The following ADARB2 variants were observed in gnomAD, a reference collection of about 807,000 sequenced individuals.
The protein encoded by ADARB2 is adenosine deaminase RNA specific B2 (inactive).
In ADARB2, 25 loss-of-function variants were observed where a neutral mutation model predicts 62.2. That is an observed-to-expected ratio of 0.40 (90% CI 0.29 to 0.56). ADARB2 has a LOEUF of 0.56. ADARB2 is among the 20% of genes least tolerant of loss of function. The probability of loss-of-function intolerance (pLI) is 0.43; values close to 1 mark genes in which losing one functional copy is unlikely to be tolerated. For synonymous variants in ADARB2, 572 were observed against 500.8 expected (o/e 1.14, Z -1.90); for missense variants, 1,071 against 1,077.4 (o/e 0.99, Z 0.08).
chr10:1,597,620 A>G (rs1833351836), intron 1 of ADARB2, among the ~76,000 whole-genome samples: 1 of 152,248 alleles, frequency 6.6e-6, no homozygotes, highest in South Asian at 2.1e-4. Flanking sequence ...GTCAATGAAC[A>G]ACAGATGCTG....
At chr10:1,459,862 A>G (rs1831145630) in intron 1 of ADARB2, among the ~76,000 whole-genome samples, 1 of 152,234 alleles carries the variant, frequency 6.6e-6, no homozygotes, top group South Asian at 2.1e-4. Flanking sequence ...GATCAGGAAA[A>G]ATAACGAATG....
chr10:1,473,470 C>G (rs1831354655), intron 1 of ADARB2, among the ~76,000 whole-genome samples: 1 of 152,020 alleles, frequency 6.6e-6, no homozygotes, highest in Admixed American at 6.6e-5. Flanking sequence ...ACCTTCACTT[C>G]CCGGGCTCAA....
chr10:1,706,058 T>C (rs1401066153), intron 1 of ADARB2, among the ~76,000 whole-genome samples: 1 of 152,222 alleles, frequency 6.6e-6, no homozygotes, highest in Non-Finnish European at 1.5e-5. Context: ...TAGCTGTGAT[T>C]AGTGGAGCTG....
chr10:1,218,260 A>G (rs1446883994), intron 6 of ADARB2, among the ~76,000 whole-genome samples: 1 of 152,110 alleles, frequency 6.6e-6, no homozygotes, highest in Non-Finnish European at 1.5e-5. Context: ...CATGTTGGCT[A>G]GGCTGGTCTC....
At chr10:1,596,193 A>G (rs7074422) in intron 1 of ADARB2, among the ~76,000 whole-genome samples, 25,092 of 152,276 alleles carry the variant, frequency 0.16, 2,437 homozygotes, top group Non-Finnish European at 0.21. Flanking sequence ...TGACAATAAC[A>G]TAGTTTGAAG....
At chr10:1,199,794 T>C in intron 8 of ADARB2, 172 bp downstream of exon 8, 1 of 683,102 alleles carries the variant, frequency 1.5e-6, no homozygotes, top group South Asian at 2.3e-5. Context: ...TGCAGAGAGA[T>C]GCTGAAACCT....
intron 1 of ADARB2, among the ~76,000 whole-genome samples, chr10:1,603,180 T>C (rs12249622): frequency 0.27 from 36,364 of 136,084 alleles, 4,536 homozygotes; most frequent in Non-Finnish European, 0.3. Context: ...CACACACCTG[T>C]ACACACATTC....
intron 1 of ADARB2, among the ~76,000 whole-genome samples, chr10:1,438,900 GA>G (rs1230886939): frequency 4.2e-5 from 1 of 23,658 alleles, no homozygotes. Flanking sequence ...TGGGGCTCCT[GA>G]GTCTCTGCCA....
chr10:1,268,223 G>GA (rs1209023617), intron 4 of ADARB2, among the ~76,000 whole-genome samples: 1 of 152,250 alleles, frequency 6.6e-6, no homozygotes, highest in African/African-American at 2.4e-5. Context: ...AGAATCACAA[G>GA]AAAAAAATTT....
Position 1,233,921 on chromosome 10 carries a change from T to TCCTG in ADARB2, c.1362-80_1362-77dup, listed in dbSNP as rs1017698602. 7.6e-5 allele frequency: 111 copies of TCCTG among 1,464,758 alleles called. No homozygotes were observed. The African/African-American group carries it at 1.1e-3, about 15-fold the overall frequency. The allele number at this position is 1,464,758 out of a possible 1,614,324, so 90.7% of individuals were successfully genotyped here. ...TGTTCCAACCAGGTGAACGCTTGAG[T>TCCTG]CCTGTTTTGTAGAGTTGTTCCCCAA... On this transcript the variant is annotated intron_variant, in intron 5 of 9. Coordinates refer to ENST00000381312, the MANE Select transcript of ADARB2 (RefSeq NM_018702.4).
At chr10:1,210,411 C>T (rs146576010) in intron 7 of ADARB2, among the ~76,000 whole-genome samples, 6 of 152,324 alleles carry the variant, frequency 3.9e-5, no homozygotes, top group African/African-American at 1.4e-4. Flanking sequence ...GGTTCCCGGC[C>T]TCGTGTGGGA....
At chr10:1,435,615 T>C (rs1251785985) in intron 1 of ADARB2, among the ~76,000 whole-genome samples, 4 of 148,966 alleles carry the variant, frequency 2.7e-5, no homozygotes, top group Non-Finnish European at 5.9e-5. Flanking sequence ...GCCAGGCCCC[T>C]CTCTCTCCTT....
At chr10:1,662,943 G>T (rs1399086478) in intron 1 of ADARB2, among the ~76,000 whole-genome samples, 2 of 152,210 alleles carry the variant, frequency 1.3e-5, no homozygotes, top group African/African-American at 2.4e-5. Flanking sequence ...GAACGCCAGG[G>T]TGTGACCCAG....
At chr10:1,590,332 C>T (rs970650259) in intron 1 of ADARB2, among the ~76,000 whole-genome samples, 1 of 152,184 alleles carries the variant, frequency 6.6e-6, no homozygotes, top group African/African-American at 2.4e-5. Context: ...GTGAATCAGG[C>T]TCAAGATAAT....
At chr10:1,682,829 G>A (rs947380032) in intron 1 of ADARB2, among the ~76,000 whole-genome samples, 20 of 152,144 alleles carry the variant, frequency 1.3e-4, no homozygotes, top group African/African-American at 4.8e-4. Flanking sequence ...TAATGCAGAC[G>A]GCCAGGGGCA....
At chr10:1,461,932 G>A (rs1831179864) in intron 1 of ADARB2, among the ~76,000 whole-genome samples, 2 of 152,158 alleles carry the variant, frequency 1.3e-5, no homozygotes, top group African/African-American at 4.8e-5. Context: ...AACTGGGGAG[G>A]CGGAGGTTGC....
At chr10:1,328,996 T>TAAAAAAA (rs376461606) in intron 3 of ADARB2, among the ~76,000 whole-genome samples, 18 of 75,672 alleles carry the variant, frequency 2.4e-4, no homozygotes, top group African/African-American at 6.4e-4. Flanking sequence ...GACCCTGTCT[T>TAAAAAAA]AAAAAAAAAA....
At chr10:1,271,177 A>G (rs537354274) in intron 3 of ADARB2, 108 bp from the exon 4 acceptor site, 323 of 843,038 alleles carry the variant, frequency 3.8e-4, no homozygotes, top group Non-Finnish European at 5.4e-4. Context: ...GTGGCCACAC[A>G]TGGGCCTGCT....
At position 1,255,827 on chromosome 10, in the gene ADARB2, AG is replaced by A. The variant is rs1488607335; in HGVS notation, c.1193-13529del. Among the ~76,000 whole-genome samples, 1 of 152,208 alleles carries A rather than the reference AG, an allele frequency of 6.6e-6. No homozygotes were observed. Among genetic ancestry groups the A allele is most frequent in the Non-Finnish European group, 1.5e-5 (1 of 68,042 alleles). ...ACTCATGGTGGGTCAAACACACTAT[AG>A]CCCCATCAGCGGGCAGGACAAGTTG... is the stretch of plus-strand genomic sequence containing the variant. On this transcript the variant is annotated intron_variant, in intron 4 of 9. Transcript: ENST00000381312. This position sits in a 1 kb window ranked among gnomAD's most constrained non-coding sequence, Gnocchi z 4.7.
Sources: allele counts gnomAD v4.1 joint callset (sites outside exome capture counted in the v4.1 genomes callset), GRCh38; gene constraint gnomAD v4.1.1; non-coding constraint Gnocchi (gnomAD v3.1); transcripts MANE v1.5; gene names NCBI Gene and HGNC (gene_info 2026-07-23, HGNC 2026-07-21).